The following SLC38A2 variants were observed in gnomAD, a reference collection of about 807,000 sequenced individuals.
SLC38A2 encodes sodium-coupled neutral amino acid symporter 2.
A neutral mutation model predicts 61.5 loss-of-function variants in SLC38A2; 11 were observed. The ratio of observed to expected loss-of-function variants is 0.18; its 90% CI spans 0.11 to 0.30. The LOEUF is 0.30. Ranked by LOEUF, SLC38A2 falls within the 10% of genes least tolerant of loss-of-function variation. The probability of loss-of-function intolerance (pLI) is 1.00; values close to 1 mark genes in which losing one functional copy is unlikely to be tolerated. For synonymous variants in SLC38A2, 217 were observed against 212.5 expected (o/e 1.02, Z -0.18); for missense variants, 522 against 600.4 (o/e 0.87, Z 1.36).
In SLC38A2 at chr12:46,371,372, G is replaced by C. The variant is rs972695262; in HGVS notation, c.-79C>G. The C allele has an allele frequency of 2.6e-6, 3 of 1,166,674 alleles. No homozygotes were observed. Among genetic ancestry groups the C allele is most frequent in the South Asian group, 2.5e-5 (2 of 79,110 alleles). The allele number at this position is 1,166,674 out of a possible 1,614,324, so 72.3% of individuals were successfully genotyped here. On this transcript the variant is annotated 5_prime_UTR_variant, in exon 2 of 16. Coordinates refer to ENST00000256689, the MANE Select transcript of SLC38A2 (RefSeq NM_018976.5). ...CTTGGCGGTGGGTGCAGCGGCCCGC[G>C]AGTCGGCCTGCGAAAGTAGAGGCGG...
chr12:46,361,970 C>T, intron 15 of SLC38A2: 1 of 216,976 alleles, frequency 4.6e-6, no homozygotes, highest in Non-Finnish European at 9.1e-6. Context: ...GTGCCTGTCA[C>T]ACAGTAGGCA....
At chr12:46,364,280 T>C (rs1487529900) in intron 10 of SLC38A2, 109 bp downstream of exon 10, 4 of 1,169,576 alleles carry the variant, frequency 3.4e-6, no homozygotes, top group Admixed American at 2.6e-5. Flanking sequence ...GCTAATCACA[T>C]GTTTTCTATA....
intron 7 of SLC38A2, 64 bp downstream of exon 7, chr12:46,366,800 A>G (rs1943143078): frequency 2.8e-6 from 4 of 1,408,958 alleles, no homozygotes; most frequent in Non-Finnish European, 3.9e-6. Context: ...CAACTTTGAT[A>G]AAAATGTATC....
In SLC38A2 at chr12:46,361,099, G is replaced by T. The variant is rs779918364; in HGVS notation, c.*12C>A. The T allele has an allele frequency of 6.2e-7, 1 of 1,607,488 alleles. No homozygotes were observed. Among genetic ancestry groups the T allele is most frequent in the East Asian group, 2.2e-5 (1 of 44,822 alleles). On this transcript the variant is annotated 3_prime_UTR_variant, in exon 16 of 16. Coordinates refer to ENST00000256689, the MANE Select transcript of SLC38A2 (RefSeq NM_018976.5). Reference sequence around the variant, plus strand: ...CATCAGATGGACTGAGTTTGAGTTTGAGTGGTGCCAATTAATGGCCACCTC... The same window carrying T: ...CATCAGATGGACTGAGTTTGAGTTTTAGTGGTGCCAATTAATGGCCACCTC...
intron 7 of SLC38A2, among the ~76,000 whole-genome samples, chr12:46,366,230 C>T (rs966559342): frequency 6.6e-6 from 1 of 152,154 alleles, no homozygotes; most frequent in Non-Finnish European, 1.5e-5. Context: ...GTGTTTTGGA[C>T]TTTGGAGTAC....
rs1346625238 is a variant in SLC38A2, at chr12:46,358,690, AT to A, written c.*2420del. 6.6e-6 allele frequency: 1 copy of A among 152,640 alleles called. No homozygotes were observed. Among genetic ancestry groups the A allele is most frequent in the Non-Finnish European group, 1.5e-5 (1 of 68,034 alleles). The allele number at this position is 152,640 out of a possible 1,614,324, so 9.5% of individuals were successfully genotyped here. A position where few individuals can be genotyped will look rare whatever the true frequency, so the allele number is the denominator to read the frequency against. On this transcript the variant is annotated 3_prime_UTR_variant, in exon 16 of 16. Coordinates refer to ENST00000256689, the MANE Select transcript of SLC38A2 (RefSeq NM_018976.5). ...CTTGAACCCAAGACCCAAACCTGAC[AT>A]TATATACAACCTATTTACAAATACA...
chr12:46,371,375 T>G lies in SLC38A2; in HGVS notation c.-82A>C, dbSNP rs1943196878. 8.7e-7 allele frequency: 1 copy of G among 1,150,596 alleles called. No homozygotes were observed. The highest frequency in any genetic ancestry group is 2.0e-5 in the Admixed American group (1 of 50,960). 71.3% of individuals were successfully genotyped at this position (1,150,596 alleles called of 1,614,324 possible). ...GGCGGTGGGTGCAGCGGCCCGCGAG[T>G]CGGCCTGCGAAAGTAGAGGCGGCGC... On this transcript the variant is annotated 5_prime_UTR_variant, in exon 2 of 16. Coordinates refer to ENST00000256689, the MANE Select transcript of SLC38A2 (RefSeq NM_018976.5).
chr12:46,368,627 G>A (rs1298720383), intron 4 of SLC38A2, among the ~76,000 whole-genome samples: 1 of 152,214 alleles, frequency 6.6e-6, no homozygotes, highest in African/African-American at 2.4e-5. Flanking sequence ...ACTGCACGCA[G>A]TACCATGTAA....
chr12:46,361,330 G>T, intron 15 of SLC38A2, 121 bp from the exon 16 acceptor site: 3 of 763,164 alleles, frequency 3.9e-6, no homozygotes, highest in Non-Finnish European at 6.4e-6. Context: ...TCTATAGAAA[G>T]AATATTTAAC....
chr12:46,372,648 A>G lies in SLC38A2; in HGVS notation c.-226T>C. 2.5e-6 allele frequency: 1 copy of G among 398,404 alleles called. No homozygotes were observed. The highest frequency in any genetic ancestry group is 3.6e-5 in the East Asian group (1 of 28,070). 24.7% of individuals were successfully genotyped at this position (398,404 alleles called of 1,614,324 possible). ...ATTTTAATAAAAAAGGAAAAGACAA[A>G]TTGCCGCCCCAATCCTCCGGCGTCC... On this transcript the variant is annotated 5_prime_UTR_variant, in exon 1 of 16. Transcript: ENST00000256689.
At chr12:46,364,106 A>G (rs960656308) in intron 10 of SLC38A2, 103 bp from the exon 11 acceptor site, 2 of 1,075,666 alleles carry the variant, frequency 1.9e-6, no homozygotes, top group African/African-American at 3.2e-5. Flanking sequence ...ATCAAAGCCT[A>G]AGTTTCCTTT....
At chr12:46,371,066 C>A in intron 2 of SLC38A2, 112 bp downstream of exon 2, 1 of 988,926 alleles carries the variant, frequency 1.0e-6, no homozygotes, top group East Asian at 2.4e-5. Context: ...AGAGATTACG[C>A]ACCTTCTCTA....
rs1431579055 is a variant in SLC38A2 at position 46,364,377 on chromosome 12, A to G, written c.873+12T>C. 1.9e-6 allele frequency: 3 copies of G among 1,565,912 alleles called. No individual in the cohort carries two copies. Among genetic ancestry groups the G allele is most frequent in the African/African-American group, 2.8e-5 (2 of 72,360 alleles). ...AAACTCTTCTTTTGAGAAAATAAGCATATTTAGTTACCTGTGAGTTGAAAA... is the reference window on the plus strand; with the variant it reads ...AAACTCTTCTTTTGAGAAAATAAGCGTATTTAGTTACCTGTGAGTTGAAAA... On this transcript the variant is annotated intron_variant, in intron 10 of 15. Transcript: ENST00000256689.
At chr12:46,372,113 T>G (rs1179075634) in intron 1 of SLC38A2, among the ~76,000 whole-genome samples, 2 of 151,944 alleles carry the variant, frequency 1.3e-5, no homozygotes, top group African/African-American at 4.8e-5. Context: ...AATCTTGGCC[T>G]CTCCTGTAAT....
At chr12:46,364,125 A>G in intron 10 of SLC38A2, 122 bp from the exon 11 acceptor site, 1 of 893,740 alleles carries the variant, frequency 1.1e-6, no homozygotes, top group Admixed American at 3.1e-5. Flanking sequence ...TTGTGTAATT[A>G]GCTTCCATTC....
chr12:46,365,418 C>T lies in SLC38A2; in HGVS notation c.564-229G>A, dbSNP rs1362842740. The T allele has an allele frequency of 3.4e-5, 19 of 554,522 alleles. No individual in the cohort carries two copies. The East Asian group carries it at 5.2e-4, about 15-fold the overall frequency. The allele number at this position is 554,522 out of a possible 1,614,324, so 34.4% of individuals were successfully genotyped here. A position where few individuals can be genotyped will look rare whatever the true frequency, so the allele number is the denominator to read the frequency against. ...GGTATAAAACAGTGTAACTTTTGTCCCACTACTTGCTCTGGGAAGGCTGCC... is the reference window on the plus strand; with the variant it reads ...GGTATAAAACAGTGTAACTTTTGTCTCACTACTTGCTCTGGGAAGGCTGCC... On this transcript the variant is annotated intron_variant, in intron 7 of 15. Transcript: ENST00000256689.
intron 4 of SLC38A2, among the ~76,000 whole-genome samples, chr12:46,368,933 C>A (rs1451108832): frequency 6.6e-6 from 1 of 152,176 alleles, no homozygotes; most frequent in Admixed American, 6.5e-5. Context: ...ACCGTGGCAG[C>A]CATGTGGTTT....
Position 46,370,592 on chromosome 12 carries a change from A to T in SLC38A2, c.234T>A (p.Phe78Leu). Residue 78 changes from phenylalanine (F) to leucine (L), a missense_variant, in exon 4 of 16, where the codon TTT becomes TTA. Coordinates refer to ENST00000256689, the MANE Select transcript of SLC38A2 (RefSeq NM_018976.5). ...TGCCCACAATCGCATTGCTCAGATT[A>T]AATACTGACATTCCAAAGGAAGTAG... ...PGTTSFGMSV[F>L]NLSNAIVGSG... is the part of the protein sequence containing the mutation. The T allele has an allele frequency of 1.2e-6, 2 of 1,614,170 alleles. No homozygotes were observed. The highest frequency in any genetic ancestry group is 1.7e-6 in the Non-Finnish European group (2 of 1,179,984).
chr12:46,368,363 C>G (rs1012531527), intron 4 of SLC38A2, among the ~76,000 whole-genome samples: 1 of 151,994 alleles, frequency 6.6e-6, no homozygotes, highest in Non-Finnish European at 1.5e-5. Context: ...CTCCCTTGAC[C>G]CTTTCACTTG....
Sources: gnomAD v4.1 joint callset for allele counts (sites outside exome capture counted in the v4.1 genomes callset) on GRCh38, gnomAD v4.1.1 for gene constraint, MANE v1.5 for transcripts, NCBI Gene and HGNC (gene_info 2026-07-23, HGNC 2026-07-21) for gene names.